ANO3: variants seen among roughly 807,000 people sequenced by gnomAD.
The protein encoded by ANO3 is anoctamin-3.
A neutral mutation model predicts 144.8 loss-of-function variants in ANO3; 99 were observed. The observed-to-expected ratio is 0.68, with a 90% CI of 0.58 to 0.81. The LOEUF (loss-of-function observed/expected upper bound fraction) is 0.81. Ranked by LOEUF, ANO3 falls within the 30% of genes least tolerant of loss-of-function variation. ANO3 has a pLI of 0.00. For synonymous variants in ANO3, 414 were observed against 392.6 expected, an observed-to-expected ratio of 1.05 and a Z score of -0.64; for missense variants, 905 against 1,202.2, an observed-to-expected ratio of 0.75 and a Z score of 3.66.
intron 17 of ANO3, among the ~76,000 whole-genome samples, chr11:26,609,341 A>ATGCTATCCTGCAGG (rs1852025791): frequency 6.9e-6 from 1 of 145,426 alleles, no homozygotes; most frequent in African/African-American, 2.5e-5. Flanking sequence ...GCAGGATCAC[A>ATGCTATCCTGCAGG]TGCAGGATTC....
intron 4 of ANO3, among the ~76,000 whole-genome samples, chr11:26,493,698 AC>A (rs1860808376): frequency 6.6e-6 from 1 of 152,150 alleles, no homozygotes; most frequent in Non-Finnish European, 1.5e-5. Flanking sequence ...CCAGTTCTGG[AC>A]CTGAGAAAGT....
At chr11:26,415,382 T>C (rs1857554579) in intron 1 of ANO3, among the ~76,000 whole-genome samples, 1 of 152,074 alleles carries the variant, frequency 6.6e-6, no homozygotes, top group Non-Finnish European at 1.5e-5. Flanking sequence ...TGATCTGTAC[T>C]GATTCTAGTG....
intron 1 of ANO3, among the ~76,000 whole-genome samples, chr11:26,313,763 C>T (rs1412286269): frequency 6.6e-6 from 1 of 151,484 alleles, no homozygotes; most frequent in Non-Finnish European, 1.5e-5. Flanking sequence ...TGTGTAAGTA[C>T]TGGAAGAGTT....
Position 26,222,424 on chromosome 11 carries a change from G to A in ANO3, c.154+33094G>A, listed in dbSNP as rs565329428. 3.1e-3 allele frequency among the ~76,000 whole-genome samples: 465 copies of A among 152,324 alleles called. 2 individuals carry two copies. The highest frequency in any genetic ancestry group is 0.01 in the Middle Eastern group (3 of 294). On this transcript the variant is annotated intron_variant, in intron 1 of 27. Coordinates refer to the ANO3 transcript ENST00000672621. ...CCTGCAGCTTTTCCACACTGGGGTT[G>A]CAAGTTGCCAGTTGATCTACCATTC...
At position 26,549,199 on chromosome 11, in the gene ANO3, C is replaced by T. The variant is rs190971978; in HGVS notation, c.1289+1649C>T. 5.4e-3 allele frequency among the ~76,000 whole-genome samples: 823 copies of T among 152,062 alleles called. 3 individuals are homozygous for T. Among genetic ancestry groups the T allele is most frequent in the Middle Eastern group, 0.014 (4 of 294 alleles). On this transcript the variant is annotated intron_variant, in intron 12 of 26. Coordinates refer to ENST00000256737, the MANE Select transcript of ANO3 (RefSeq NM_031418.4). ...TCTTTTTGTATGAGATAATTATTCT[C>T]TAACCTTTGGTACAAGGAGTGTTCT...
intron 1 of ANO3, among the ~76,000 whole-genome samples, chr11:26,404,212 AAG>A (rs202006380): frequency 0.012 from 1,753 of 151,976 alleles, 17 homozygotes; most frequent in Non-Finnish European, 0.018. Flanking sequence ...TAATGAAAGA[AAG>A]AATGAATTAG....
At position 26,563,395 on chromosome 11, in the gene ANO3, C is replaced by CTGTGTGTGTGTGTG. The variant is rs71047867; in HGVS notation, c.1447+3640_1447+3653dup. On this transcript the variant is annotated intron_variant, in intron 14 of 26. Transcript: ENST00000256737. ...ATTAGATAATGGTGTGTTTCTCTCT[C>CTGTGTGTGTGTGTG]TGTGTGTGTGTGTGTGTGTGTGTGT... is the stretch of plus-strand genomic sequence containing the variant. 5.7e-5 allele frequency: 31 copies of CTGTGTGTGTGTGTG among 540,106 alleles called. No individual in the cohort carries two copies. The Admixed American group carries it at 6.6e-4, about 11-fold the overall frequency. 33.5% of individuals were successfully genotyped at this position (540,106 alleles called of 1,614,324 possible).
At chr11:26,549,422 T>C (rs546371553) in intron 12 of ANO3, among the ~76,000 whole-genome samples, 1 of 152,076 alleles carries the variant, frequency 6.6e-6, no homozygotes, top group Admixed American at 6.6e-5. Flanking sequence ...GGTGTTATCA[T>C]GGTGGGTGGG....
At chr11:26,324,969 G>A (rs1275699166) in intron 1 of ANO3, among the ~76,000 whole-genome samples, 1 of 152,164 alleles carries the variant, frequency 6.6e-6, no homozygotes, top group Non-Finnish European at 1.5e-5. Context: ...GGAAAAGGAT[G>A]AGCTCAAGGA....
intron 1 of ANO3, among the ~76,000 whole-genome samples, chr11:26,246,715 C>G (rs956103615): frequency 1.3e-5 from 2 of 151,972 alleles, no homozygotes; most frequent in South Asian, 4.2e-4. Context: ...GTGGCAGAGA[C>G]GTGGTGGGAG....
intron 1 of ANO3, among the ~76,000 whole-genome samples, chr11:26,389,098 A>T (rs1408299911): frequency 2.6e-5 from 4 of 152,194 alleles, no homozygotes. Context: ...AGTCCTTAGG[A>T]TAATTGTGTT....
intron 13 of ANO3, among the ~76,000 whole-genome samples, chr11:26,555,879 C>T (rs1164440107): frequency 6.6e-6 from 1 of 152,076 alleles, no homozygotes; most frequent in East Asian, 1.9e-4. Context: ...CATCTAGAAA[C>T]AAAATCATCT....
At chr11:26,613,496 T>C (rs1341280201) in intron 17 of ANO3, among the ~76,000 whole-genome samples, 1 of 152,242 alleles carries the variant, frequency 6.6e-6, no homozygotes, top group Non-Finnish European at 1.5e-5. Flanking sequence ...AAATTTTCTT[T>C]TCTTTGGGGT....
intron 1 of ANO3, among the ~76,000 whole-genome samples, chr11:26,311,108 T>C (rs900246545): frequency 6.6e-6 from 1 of 152,184 alleles, no homozygotes; most frequent in Non-Finnish European, 1.5e-5. Flanking sequence ...GGGGAATCAA[T>C]GAAGTGAGTA....
At chr11:26,634,094 A>AC (rs71047869) in intron 18 of ANO3, 110 bp from the exon 19 acceptor site, 1 of 512,366 alleles carries the variant, frequency 2.0e-6, no homozygotes, top group South Asian at 3.7e-5. Flanking sequence ...AAAAAAAAAA[A>AC]AAAATTAAAT....
intron 21 of ANO3, among the ~76,000 whole-genome samples, chr11:26,640,683 A>G (rs1039673328): frequency 4.6e-5 from 7 of 152,076 alleles, no homozygotes; most frequent in Non-Finnish European, 1.0e-4. Context: ...GCCTTGCGCT[A>G]GGGGTCAGTC....
intron 4 of ANO3, among the ~76,000 whole-genome samples, chr11:26,494,798 A>G (rs1030664148): frequency 6.6e-6 from 1 of 152,182 alleles, no homozygotes; most frequent in African/African-American, 2.4e-5. Flanking sequence ...CTAAGGGAGG[A>G]CACACGTGAG....
chr11:26,552,106 G>A (rs1366114854), intron 12 of ANO3, among the ~76,000 whole-genome samples: 1 of 151,938 alleles, frequency 6.6e-6, no homozygotes, highest in African/African-American at 2.4e-5. Flanking sequence ...TCCTTAAATT[G>A]AACATTGTTT....
At chr11:26,472,512 A>C (rs1365724525) in intron 4 of ANO3, among the ~76,000 whole-genome samples, 1 of 151,922 alleles carries the variant, frequency 6.6e-6, no homozygotes, top group Non-Finnish European at 1.5e-5. Context: ...TACAGGGACC[A>C]TGCTGTCAAG....
Sources: allele counts gnomAD v4.1 joint callset (sites outside exome capture counted in the v4.1 genomes callset), GRCh38; gene constraint gnomAD v4.1.1; transcripts MANE v1.5; gene names NCBI Gene and HGNC (gene_info 2026-07-23, HGNC 2026-07-21).